Variants in EPS8L2 observed in about 807,000 individuals in gnomAD.
EPS8L2 encodes EPS8 signaling adaptor L2, also known as epidermal growth factor receptor kinase substrate 8-like protein 2.
In EPS8L2, 81 loss-of-function variants were observed where a neutral mutation model predicts 99.4. The observed-to-expected ratio is 0.82, with a 90% CI of 0.68 to 0.98. EPS8L2 has a LOEUF of 0.98. EPS8L2 is among the 50% of genes least tolerant of loss of function. EPS8L2 has a pLI of 0.00. For missense variants in EPS8L2, 1,155 were observed against 968.8 expected (o/e 1.19, Z -2.55); for synonymous variants, 509 against 407.3 (o/e 1.25, Z -3.01).
In EPS8L2 at chr11:722,107, A is replaced by C; in HGVS notation, c.1001A>C (p.His334Pro). ...CACCCCCAGGCAAAGCTGCAGAAGCACATCCAGAACCCCAGCGCCGCGGAG... is the reference window on the plus strand; with the variant it reads ...CACCCCCAGGCAAAGCTGCAGAAGCCCATCCAGAACCCCAGCGCCGCGGAG... ...AINLLAKLQKHIQNPSAAELV... is the reference protein window; with the variant it reads ...AINLLAKLQKPIQNPSAAELV... Residue 334 changes from histidine (H) to proline (P), a missense_variant, in exon 12 of 21, where the codon CAC becomes CCC. Physicochemically the swap from His to Pro is moderately conservative, Grantham distance 77. Coordinates refer to ENST00000318562, the MANE Select transcript of EPS8L2 (RefSeq NM_022772.4). The C allele has an allele frequency of 6.2e-7, 1 of 1,613,104 alleles. No individual in the cohort carries two copies. The highest frequency in any genetic ancestry group is 1.1e-5 in the South Asian group (1 of 91,078).
At chr11:709,643 G>A (rs760715834) in intron 3 of EPS8L2, 35 bp downstream of exon 3, 1 of 1,604,976 alleles carries the variant, frequency 6.2e-7, no homozygotes, top group Non-Finnish European at 8.5e-7. Context: ...GGACGTCACA[G>A]GGGAGAAATG....
intron 4 of EPS8L2, among the ~76,000 whole-genome samples, chr11:716,628 T>A (rs535172766): frequency 3.3e-5 from 5 of 152,364 alleles, no homozygotes; most frequent in African/African-American, 1.2e-4. Flanking sequence ...CTTGCAGCAC[T>A]GGTTTAGTTG....
At chr11:714,952 G>T (rs913130006) in intron 4 of EPS8L2, among the ~76,000 whole-genome samples, 1 of 152,132 alleles carries the variant, frequency 6.6e-6, no homozygotes, top group Non-Finnish European at 1.5e-5. Context: ...TTTTCAGAAA[G>T]AGTTTGTGGG....
At position 715,237 on chromosome 11, in the gene EPS8L2, G is replaced by A. The variant is rs568418046; in HGVS notation, c.165+4751G>A. ...AGCCTGGGAGACAGAGTGAGACTCT[G>A]TCTCAAAAAAAAAAAAAGAGTTTGT... On this transcript the variant is annotated intron_variant, in intron 4 of 20. Coordinates refer to ENST00000318562, the MANE Select transcript of EPS8L2 (RefSeq NM_022772.4). 9.5e-4 allele frequency among the ~76,000 whole-genome samples: 136 copies of A among 143,888 alleles called. 1 individual carries two copies. Among genetic ancestry groups the A allele is most frequent in the African/African-American group, 3.6e-3 (129 of 35,866 alleles). The allele number at this position is 143,888 out of a possible 152,430, so 94.4% of individuals were successfully genotyped here.
In EPS8L2 at chr11:713,380, T is replaced by C. The variant is rs142918223; in HGVS notation, c.165+2894T>C. ...ACCTGCCTGCCTTCATCACCACAGT[T>C]TCTGTTTGTTTGTGTGTTTGAGACG... On this transcript the variant is annotated intron_variant, in intron 4 of 20. Coordinates refer to ENST00000318562, the MANE Select transcript of EPS8L2 (RefSeq NM_022772.4). Among the ~76,000 whole-genome samples the C allele has an allele frequency of 5.9e-3, 896 of 152,168 alleles. 8 individuals carry two copies. The highest frequency in any genetic ancestry group is 0.021 in the African/African-American group (869 of 41,536).
At chr11:712,413 C>T (rs7483488) in intron 4 of EPS8L2, among the ~76,000 whole-genome samples, 2 of 88,480 alleles carry the variant, frequency 2.3e-5, no homozygotes, top group African/African-American at 7.2e-5. Flanking sequence ...TCCCGGTTGT[C>T]GTCCAAGCCT....
chr11:708,217 G>T (rs1861782477), intron 1 of EPS8L2, among the ~76,000 whole-genome samples: 1 of 152,192 alleles, frequency 6.6e-6, no homozygotes, highest in Non-Finnish European at 1.5e-5. Context: ...GTGGACCTGT[G>T]GGGAGCTGAT....
Position 723,373 on chromosome 11 carries a change from A to G in EPS8L2, c.1454+20A>G. 1.7e-6 allele frequency: 2 copies of G among 1,166,316 alleles called. No homozygotes were observed. The highest frequency in any genetic ancestry group is 2.4e-6 in the Non-Finnish European group (2 of 820,968). 72.2% of individuals were successfully genotyped at this position (1,166,316 alleles called of 1,614,324 possible). A position where few individuals can be genotyped will look rare whatever the true frequency, so the allele number is the denominator to read the frequency against. On this transcript the variant is annotated intron_variant, in intron 15 of 20. Transcript: ENST00000318562. ...TCACAGGTAAGCCCCCCTCAAAGTGAGGGAGCATGAAAGTGAAACCCTTCA... is the reference window on the plus strand; with the variant it reads ...TCACAGGTAAGCCCCCCTCAAAGTGGGGGAGCATGAAAGTGAAACCCTTCA...
intron 3 of EPS8L2, chr11:710,110 G>A: frequency 2.5e-6 from 1 of 401,666 alleles, no homozygotes; most frequent in Non-Finnish European, 4.6e-6. Flanking sequence ...AAGCCGGGCT[G>A]GGACCCCCTT....
chr11:713,639 G>A (rs528757132), intron 4 of EPS8L2, among the ~76,000 whole-genome samples: 1 of 152,322 alleles, frequency 6.6e-6, no homozygotes, highest in African/African-American at 2.4e-5. Context: ...CCGCCTCAAG[G>A]GTTCAAGTGA....
At chr11:715,190 T>A (rs545936385) in intron 4 of EPS8L2, among the ~76,000 whole-genome samples, 1 of 151,096 alleles carries the variant, frequency 6.6e-6, no homozygotes, top group Non-Finnish European at 1.5e-5. Context: ...TGCAGTAAGC[T>A]GAGATTGCGC....
Position 722,395 on chromosome 11 carries a change from C to T in EPS8L2, c.1060-6C>T, listed in dbSNP as rs147136470. 2.0e-4 allele frequency: 328 copies of T among 1,612,314 alleles called. 2 individuals carry two copies. In the Middle Eastern group the frequency reaches 2.8e-3, roughly 14 times the overall value. ...TCAGTCCCCTCTGAACCTCACTGTG[C>T]CCCAGATCGTCAACACCTGCAGTGG... On this transcript the variant is annotated splice_region_variant and splice_polypyrimidine_tract_variant and intron_variant, in intron 12 of 20. Coordinates refer to ENST00000318562, the MANE Select transcript of EPS8L2 (RefSeq NM_022772.4).
chr11:721,683 C>T lies in EPS8L2; in HGVS notation c.887C>T (p.Ala296Val), dbSNP rs1554952298. 1.9e-6 allele frequency: 3 copies of T among 1,594,072 alleles called. No individual in the cohort carries two copies. The highest frequency in any genetic ancestry group is 1.1e-5 in the South Asian group (1 of 89,248). ...AAGGGGAAGAAGAAGGGCAAGAAGG[C>T]GCCAGCAGGTGCAGGGGACAGGGAC... is the stretch of plus-strand genomic sequence containing the variant. ...RKKGKKKGKK[A>V]PAEGVLTLRA... Residue 296 changes from alanine to valine, a missense_variant, in exon 10 of 21, where the codon GCG (alanine) becomes GTG (valine). Physicochemically the swap from Ala to Val is moderately conservative, Grantham distance 64 (BLOSUM62 0). Transcript: ENST00000318562.
intron 4 of EPS8L2, 24 bp downstream of exon 4, chr11:710,510 C>T (rs941483903): frequency 1.9e-6 from 3 of 1,608,478 alleles, no homozygotes; most frequent in Non-Finnish European, 2.6e-6. Flanking sequence ...CCCAGGTAGG[C>T]TCCGCCCCCA....
chr11:720,757 G>A lies in EPS8L2; in HGVS notation c.477+11G>A, dbSNP rs1037113590. Reference sequence around the variant, plus strand: ...TGCGATGAGGTGGAGGTGAGGCGGTGCCGGGCGGGGCAGGGTGGGGCCCCG... The same window carrying A: ...TGCGATGAGGTGGAGGTGAGGCGGTACCGGGCGGGGCAGGGTGGGGCCCCG... On this transcript the variant is annotated intron_variant, in intron 6 of 20. Transcript: ENST00000318562. 1.9e-6 allele frequency: 3 copies of A among 1,540,028 alleles called. No individual in the cohort carries two copies. Among genetic ancestry groups the A allele is most frequent in the Non-Finnish European group, 2.6e-6 (3 of 1,143,310 alleles).
intron 13 of EPS8L2, 24 bp downstream of exon 13, chr11:722,573 G>A (rs369447643): frequency 2.9e-5 from 46 of 1,611,666 alleles, no homozygotes; most frequent in African/African-American, 4.0e-5. Flanking sequence ...GAGCAGTGCC[G>A]GGGCTTCATG....
At chr11:718,830 G>A (rs983391207) in intron 4 of EPS8L2, among the ~76,000 whole-genome samples, 3 of 151,638 alleles carry the variant, frequency 2.0e-5, no homozygotes, top group Non-Finnish European at 4.4e-5. Flanking sequence ...CACCACGCCT[G>A]GCTAATTTTT....
intron 4 of EPS8L2, among the ~76,000 whole-genome samples, chr11:718,585 A>G (rs1388672500): frequency 6.6e-6 from 1 of 151,350 alleles, no homozygotes; most frequent in African/African-American, 2.4e-5. Context: ...CCTGGGCTCA[A>G]GCATTCCTCC....
chr11:718,991 A>G (rs1274186560), intron 4 of EPS8L2, among the ~76,000 whole-genome samples: 3 of 126,960 alleles, frequency 2.4e-5, no homozygotes, highest in African/African-American at 9.1e-5. Flanking sequence ...TTTGAGACAG[A>G]GTCTTCCTCT....
Sources: gnomAD v4.1 joint callset for allele counts (sites outside exome capture counted in the v4.1 genomes callset) on GRCh38, gnomAD v4.1.1 for gene constraint, MANE v1.5 for transcripts, NCBI Gene and HGNC (gene_info 2026-07-23, HGNC 2026-07-21) for gene names.